TMTC4: variants seen among roughly 807,000 people sequenced by gnomAD.
TMTC4 encodes the protein protein O-mannosyl-transferase TMTC4.
Under a neutral mutation model 86.0 loss-of-function variants are expected in TMTC4, and 65 were observed. The observed-to-expected ratio is 0.76, with a 90% confidence interval of 0.62 to 0.93. The LOEUF is 0.93. TMTC4 is among the 40% of genes least tolerant of loss of function. TMTC4 has a pLI of 0.00. For missense variants in TMTC4, 866 were observed against 948.1 expected (o/e 0.91, Z 1.14); for synonymous variants, 379 against 382.5 (o/e 0.99, Z 0.11).
intron 9 of TMTC4, 36 bp from the exon 10 acceptor site, chr13:100,636,770 A>G: frequency 6.2e-7 from 1 of 1,608,716 alleles, no homozygotes; most frequent in Non-Finnish European, 8.5e-7. Flanking sequence ...TCTATTTGAT[A>G]CTGAACTTAA....
At chr13:100,652,479 GAAAT>G (rs952034454) in intron 6 of TMTC4, among the ~76,000 whole-genome samples, 41 of 152,008 alleles carry the variant, frequency 2.7e-4, no homozygotes, top group African/African-American at 9.7e-4. Flanking sequence ...ACTTGGTCTC[GAAAT>G]AAATAAATAA....
intron 6 of TMTC4, among the ~76,000 whole-genome samples, chr13:100,651,053 T>A (rs946661993): frequency 7.2e-5 from 11 of 152,204 alleles, no homozygotes; most frequent in Non-Finnish European, 1.2e-4. Flanking sequence ...TTTGATATTA[T>A]GAGTAAGAAT....
At position 100,615,349 on chromosome 13, in the gene TMTC4, G is replaced by C. The variant is rs377507424; in HGVS notation, c.1837-919C>G. 9.6e-4 allele frequency among the ~76,000 whole-genome samples: 146 copies of C among 152,188 alleles called. 3 individuals carry two copies. The highest frequency in any genetic ancestry group is 3.3e-3 in the African/African-American group (136 of 41,530). On this transcript the variant is annotated intron_variant, in intron 15 of 18. Coordinates refer to ENST00000342624, the MANE Select transcript of TMTC4 (RefSeq NM_032813.5). ...AGACGGGGTTTCACCATATTGGCCA[G>C]ACTGGTCTTGAACTCCTGACCTTGT...
At chr13:100,616,107 GT>G (rs1878445290) in intron 15 of TMTC4, among the ~76,000 whole-genome samples, 1 of 151,534 alleles carries the variant, frequency 6.6e-6, no homozygotes, top group Non-Finnish European at 1.5e-5. Flanking sequence ...TGGTGTATAT[GT>G]ACCACATTTT....
chr13:100,623,300 T>C (rs1359127757), intron 15 of TMTC4, among the ~76,000 whole-genome samples: 1 of 152,252 alleles, frequency 6.6e-6, no homozygotes. Context: ...TGCCGCAATC[T>C]TGGCTCACTG....
At chr13:100,665,730 C>T (rs1340019761) in intron 3 of TMTC4, among the ~76,000 whole-genome samples, 3 of 152,198 alleles carry the variant, frequency 2.0e-5, no homozygotes, top group Admixed American at 6.5e-5. Context: ...AGCCACCATG[C>T]GACTTAGCAC....
At chr13:100,638,784 A>G (rs1882611164) in intron 7 of TMTC4, 1 of 152,268 alleles carries the variant, frequency 6.6e-6, no homozygotes, top group South Asian at 2.1e-4. Flanking sequence ...GAAACCACAC[A>G]TTGATGAGAG....
intron 15 of TMTC4, chr13:100,624,778 T>C (rs929321666): frequency 1.3e-5 from 2 of 152,186 alleles, no homozygotes; most frequent in Non-Finnish European, 2.9e-5. Context: ...GAACACAAAT[T>C]TTTTAATTAA....
At chr13:100,673,620 C>G (rs1887417516) in intron 1 of TMTC4, among the ~76,000 whole-genome samples, 1 of 152,240 alleles carries the variant, frequency 6.6e-6, no homozygotes, top group Admixed American at 6.5e-5. Context: ...TGAATACATG[C>G]TACTGAAGGC....
At position 100,625,795 on chromosome 13, in the gene TMTC4, C is replaced by G. The variant is rs766841372; in HGVS notation, c.1684G>C (p.Val562Leu). 1.1e-5 allele frequency: 18 copies of G among 1,612,978 alleles called. No homozygotes were observed. Among genetic ancestry groups the G allele is most frequent in the South Asian group, 7.7e-5 (7 of 90,690 alleles). The stretch of plus-strand genomic sequence containing the variant: ...AAAAACAATGCTTACTGTATTTGAA[C>G]AGCCAAAGACAGCAGCTCCTCAGCT... The part of the protein sequence containing the change: ...QEAEELLSLA[V>L]QIQPDFAAAW... The change falls in exon 14 of 19, where the codon GTT (valine) becomes CTT (leucine). Residue 562 changes from valine (V) to leucine (L), a missense_variant. Coordinates refer to ENST00000342624, the MANE Select transcript of TMTC4 (RefSeq NM_032813.5).
rs565336183 is a variant in TMTC4 at position 100,674,574 on chromosome 13, C to T, written c.-208+170G>A. The stretch of plus-strand genomic sequence containing the variant: ...GCCCGCGTCCCCCGTGACCCCGGCC[C>T]GGGCCGCAGCTCAGGTCCCGGAACC... On this transcript the variant is annotated intron_variant, in intron 1 of 18. Coordinates refer to ENST00000342624, the MANE Select transcript of TMTC4 (RefSeq NM_032813.5). 280 of 982,480 alleles carry T rather than the reference C, an allele frequency of 2.8e-4. 2 individuals carry two copies. The East Asian group carries it at 0.026, about 91-fold the overall frequency. The allele number at this position is 982,480 out of a possible 1,614,324, so 60.9% of individuals were successfully genotyped here. A position where few individuals can be genotyped will look rare whatever the true frequency, so the allele number is the denominator to read the frequency against.
At chr13:100,637,394 G>A in intron 9 of TMTC4, 144 bp downstream of exon 9, 1 of 1,111,708 alleles carries the variant, frequency 9.0e-7, no homozygotes, top group South Asian at 1.7e-5. Flanking sequence ...AACATCTTTA[G>A]TGATCGCAAG....
At chr13:100,629,412 C>T (rs573636890) in intron 12 of TMTC4, among the ~76,000 whole-genome samples, 5 of 152,176 alleles carry the variant, frequency 3.3e-5, no homozygotes, top group African/African-American at 4.8e-5. Context: ...TCTTTCCTCA[C>T]GGTGGCTCGA....
At chr13:100,614,970 A>G (rs1878242975) in intron 15 of TMTC4, 3 of 984,524 alleles carry the variant, frequency 3.0e-6, no homozygotes, top group Non-Finnish European at 2.4e-6. Flanking sequence ...GCCTGTGTCT[A>G]AAGTAAATAT....
chr13:100,630,856 G>A (rs1231017162), intron 12 of TMTC4, among the ~76,000 whole-genome samples: 2 of 152,172 alleles, frequency 1.3e-5, no homozygotes, highest in East Asian at 1.9e-4. Context: ...AGAAGGACGT[G>A]GGACTCTGGA....
chr13:100,664,154 C>A, intron 4 of TMTC4, 67 bp downstream of exon 4: 1 of 1,373,330 alleles, frequency 7.3e-7, no homozygotes, highest in African/African-American at 1.5e-5. Context: ...TGGTGACACA[C>A]ACCTGTATCC....
chr13:100,656,542 C>CTTTTTTTTTTTTTTTTTT lies in TMTC4; in HGVS notation c.553-92_553-75dup, dbSNP rs35563246. 586 of 385,772 alleles carry CTTTTTTTTTTTTTTTTTT rather than the reference C, an allele frequency of 1.5e-3. 32 individuals are homozygous for CTTTTTTTTTTTTTTTTTT. The highest frequency in any genetic ancestry group is 2.8e-3 in the Middle Eastern group (4 of 1,442). 23.9% of individuals were successfully genotyped at this position (385,772 alleles called of 1,614,324 possible). ...GAAATCCTAAACTTAGGAGACATAA[C>CTTTTTTTTTTTTTTTTTT]TTTTTTTTTTTTTTTTTTGCGACAG... On this transcript the variant is annotated intron_variant, in intron 5 of 18. Transcript: ENST00000342624.
intron 5 of TMTC4, among the ~76,000 whole-genome samples, chr13:100,658,540 G>A (rs1014167841): frequency 5.3e-5 from 8 of 152,050 alleles, no homozygotes; most frequent in Non-Finnish European, 7.3e-5. Context: ...AGGAAACAGG[G>A]GGAGCAGGTG....
At chr13:100,613,770 C>T (rs542149451) in intron 16 of TMTC4, among the ~76,000 whole-genome samples, 1 of 145,796 alleles carries the variant, frequency 6.9e-6, no homozygotes, top group Non-Finnish European at 1.5e-5. Context: ...CCTCCCTTCC[C>T]TCCCTCCCTC....
Sources: allele counts gnomAD v4.1 joint callset (sites outside exome capture counted in the v4.1 genomes callset), GRCh38; gene constraint gnomAD v4.1.1; transcripts MANE v1.5; gene names NCBI Gene and HGNC (gene_info 2026-07-23, HGNC 2026-07-21).